ATP6V0C: variants seen among roughly 807,000 people sequenced by gnomAD.
ATP6V0C encodes V-type proton ATPase 16 kDa proteolipid subunit c.
In ATP6V0C, 2 loss-of-function variants were observed where a neutral mutation model predicts 10.6. That is an observed-to-expected ratio of 0.19 (90% CI 0.08 to 0.59). The LOEUF is 0.59. ATP6V0C is among the 20% of genes least tolerant of loss of function. The pLI is 0.90. For synonymous variants in ATP6V0C, 128 were observed against 101.3 expected (o/e 1.26, Z -1.59); for missense variants, 89 against 225.9 (o/e 0.39, Z 3.88).
At chr16:2,514,812 G>A (rs900640958) in intron 1 of ATP6V0C, among the ~76,000 whole-genome samples, 7 of 152,194 alleles carry the variant, frequency 4.6e-5, no homozygotes, top group Non-Finnish European at 8.8e-5. Flanking sequence ...GGAAAGCTGG[G>A]CTGAGGGCTT....
chr16:2,514,828 G>C (rs1000014505), intron 1 of ATP6V0C, among the ~76,000 whole-genome samples: 2 of 152,222 alleles, frequency 1.3e-5, no homozygotes, highest in Non-Finnish European at 2.9e-5. Context: ...GGCTTGGTTC[G>C]GAGAGCCCGC....
intron 1 of ATP6V0C, chr16:2,517,380 C>T (rs2065881834): frequency 6.6e-6 from 1 of 152,314 alleles, no homozygotes; most frequent in African/African-American, 2.4e-5. Flanking sequence ...ATAGTCACTC[C>T]CTGGATACCC....
At chr16:2,514,208 G>A (rs892863545) in intron 1 of ATP6V0C, 26 bp downstream of exon 1, 25 of 1,525,064 alleles carry the variant, frequency 1.6e-5, no homozygotes, top group Non-Finnish European at 2.0e-5. Flanking sequence ...GGAGGGACTC[G>A]GGGGCGGGGG....
At chr16:2,519,496 C>T (rs774705512) in intron 2 of ATP6V0C, 45 bp from the exon 3 acceptor site, 3 of 1,543,466 alleles carry the variant, frequency 1.9e-6, no homozygotes, top group Non-Finnish European at 1.8e-6. Flanking sequence ...TTGTCTCCCC[C>T]TGGTTGGCAG....
rs745684627 is a variant in ATP6V0C at position 2,519,808 on chromosome 16, C to A, written c.*63C>A. The stretch of plus-strand genomic sequence containing the variant: ...AAGACCACCCCTCCTCATTCCAGAA[C>A]GAACAGCCTGACACATACGCACGGG... On this transcript the variant is annotated 3_prime_UTR_variant, in exon 3 of 3. Transcript: ENST00000330398. 1.2e-5 allele frequency: 19 copies of A among 1,573,606 alleles called. No individual in the cohort carries two copies. Among genetic ancestry groups the A allele is most frequent in the Non-Finnish European group, 1.6e-5 (18 of 1,149,820 alleles).
intron 1 of ATP6V0C, chr16:2,517,493 C>G (rs1449454149): frequency 6.6e-6 from 1 of 152,544 alleles, no homozygotes; most frequent in Non-Finnish European, 1.5e-5. Context: ...GGATACTTGT[C>G]TGTGAAGCCC....
rs567853470 is a variant in ATP6V0C, at chr16:2,514,079, G to A, written c.-25G>A. On this transcript the variant is annotated 5_prime_UTR_variant, in exon 1 of 3. Coordinates refer to ENST00000330398, the MANE Select transcript of ATP6V0C (RefSeq NM_001694.4). ...CTCCGCCACCGCCTCGGCCCGCAGAGCTTGCCCCCTCCCCACCCGCAGACA... is the reference window on the plus strand; with the variant it reads ...CTCCGCCACCGCCTCGGCCCGCAGAACTTGCCCCCTCCCCACCCGCAGACA... 9.0e-6 allele frequency: 14 copies of A among 1,556,476 alleles called. No homozygotes were observed. Among genetic ancestry groups the A allele is most frequent in the African/African-American group, 5.6e-5 (4 of 70,930 alleles).
Position 2,519,769 on chromosome 16 carries a change from C to G in ATP6V0C, c.*24C>G. 6.3e-7 allele frequency: 1 copy of G among 1,582,466 alleles called. No homozygotes were observed. Among genetic ancestry groups the G allele is most frequent in the Non-Finnish European group, 8.6e-7 (1 of 1,157,410 alleles). On this transcript the variant is annotated 3_prime_UTR_variant, in exon 3 of 3. Transcript: ENST00000330398. ...AGACCCTCTCCGAGCCCACCAGCCA[C>G]AGAATATTATGTAAAGACCACCCCT...
At chr16:2,516,001 C>T (rs1234133844) in intron 1 of ATP6V0C, among the ~76,000 whole-genome samples, 1 of 152,056 alleles carries the variant, frequency 6.6e-6, no homozygotes, top group Non-Finnish European at 1.5e-5. Flanking sequence ...TGGCCTAGGC[C>T]TTTCCTGCTT....
chr16:2,515,658 C>T (rs1386020870), intron 1 of ATP6V0C, among the ~76,000 whole-genome samples: 2 of 152,192 alleles, frequency 1.3e-5, no homozygotes, highest in Non-Finnish European at 2.9e-5. Context: ...CCCCCAGCCT[C>T]CTCTGTTCTT....
intron 1 of ATP6V0C, among the ~76,000 whole-genome samples, chr16:2,515,817 C>G (rs1015604154): frequency 7.2e-5 from 11 of 152,174 alleles, no homozygotes; most frequent in African/African-American, 2.7e-4. Flanking sequence ...AAATGGGATC[C>G]CCGCCCATGT....
rs987711074 is a variant in ATP6V0C at position 2,514,028 on chromosome 16, C to T, written c.-76C>T. 1.0e-4 allele frequency: 140 copies of T among 1,382,790 alleles called. No individual in the cohort carries two copies. The African/African-American group carries it at 1.8e-3, about 18-fold the overall frequency. The allele number at this position is 1,382,790 out of a possible 1,614,324, so 85.7% of individuals were successfully genotyped here. A position where few individuals can be genotyped will look rare whatever the true frequency, so the allele number is the denominator to read the frequency against. On this transcript the variant is annotated 5_prime_UTR_variant, in exon 1 of 3. Transcript: ENST00000330398. ...TCGCCGCCGCCCGCCCGCAAACCTT[C>T]GTGCCCGGCCCGTCCTCGCCCCCGC...
chr16:2,519,001 C>G, intron 1 of ATP6V0C: 2 of 530,006 alleles, frequency 3.8e-6, no homozygotes, highest in Non-Finnish European at 6.6e-6. Context: ...GGGGGCCTCA[C>G]GTAGAGGAAG....
chr16:2,519,164 T>C, intron 1 of ATP6V0C, 54 bp from the exon 2 acceptor site: 1 of 1,527,058 alleles, frequency 6.5e-7, no homozygotes, highest in Non-Finnish European at 8.8e-7. Context: ...CTCGGGGTCC[T>C]AGTCTCAACT....
chr16:2,514,018 C>G lies in ATP6V0C; in HGVS notation c.-86C>G. On this transcript the variant is annotated 5_prime_UTR_variant, in exon 1 of 3. Coordinates refer to ENST00000330398, the MANE Select transcript of ATP6V0C (RefSeq NM_001694.4). ...CGGATCGCCTTCGCCGCCGCCCGCC[C>G]GCAAACCTTCGTGCCCGGCCCGTCC... 2.3e-6 allele frequency: 3 copies of G among 1,308,588 alleles called. No individual in the cohort carries two copies. The highest frequency in any genetic ancestry group is 2.1e-6 in the Non-Finnish European group (2 of 954,832). 81.1% of individuals were successfully genotyped at this position (1,308,588 alleles called of 1,614,324 possible).
At chr16:2,514,442 T>G (rs1434800763) in intron 1 of ATP6V0C, 2 of 155,122 alleles carry the variant, frequency 1.3e-5, no homozygotes, top group South Asian at 2.5e-4. Context: ...AGCCGGGTCG[T>G]GCGGTTGCGG....
At position 2,514,192 on chromosome 16, in the gene ATP6V0C, G is replaced by A. The variant is rs779231973; in HGVS notation, c.79+10G>A. 1 of 1,546,738 alleles carries A rather than the reference G, an allele frequency of 6.5e-7. No homozygotes were observed. On this transcript the variant is annotated intron_variant, in intron 1 of 2. Coordinates refer to ENST00000330398, the MANE Select transcript of ATP6V0C (RefSeq NM_001694.4). ...GCCATGGTCTTCAGCGGTGAGCGCG[G>A]CGGCGGGAGGGACTCGGGGGCGGGG...
chr16:2,515,509 T>C (rs566189115), intron 1 of ATP6V0C, among the ~76,000 whole-genome samples: 89 of 152,200 alleles, frequency 5.8e-4, no homozygotes, highest in African/African-American at 2.0e-3. Context: ...CATTCGTGAG[T>C]GAGCCCTGGC....
At chr16:2,515,990 C>G (rs1229190562) in intron 1 of ATP6V0C, among the ~76,000 whole-genome samples, 1 of 151,966 alleles carries the variant, frequency 6.6e-6, no homozygotes, top group Non-Finnish European at 1.5e-5. Flanking sequence ...CACGGTATTG[C>G]TGGCCTAGGC....
Sources: allele counts gnomAD v4.1 joint callset (sites outside exome capture counted in the v4.1 genomes callset), GRCh38; gene constraint gnomAD v4.1.1; transcripts MANE v1.5; gene names NCBI Gene and HGNC (gene_info 2026-07-23, HGNC 2026-07-21).